FHIT: variants seen among roughly 807,000 people sequenced by gnomAD.
The protein encoded by FHIT is fragile histidine triad diadenosine triphosphatase.
In FHIT, 19 loss-of-function variants were observed where a neutral mutation model predicts 17.9. That is an observed-to-expected ratio of 1.06 (90% CI 0.74 to 1.56). The LOEUF (loss-of-function observed/expected upper bound fraction) is 1.56. FHIT is among the 40% of genes most tolerant of loss of function. The pLI is 0.00. For missense variants in FHIT, 248 were observed against 189.2 expected (o/e 1.31, Z -1.82); for synonymous variants, 81 against 69.7 (o/e 1.16, Z -0.81).
chr3:59,914,453 T>A (rs1705035211), intron 8 of FHIT, among the ~76,000 whole-genome samples: 3 of 152,206 alleles, frequency 2.0e-5, no homozygotes, highest in African/African-American at 7.2e-5. Flanking sequence ...CCTGCTGGCA[T>A]GTGGCACATG....
At chr3:60,487,047 A>G (rs765163825) in intron 5 of FHIT, among the ~76,000 whole-genome samples, 2 of 152,186 alleles carry the variant, frequency 1.3e-5, no homozygotes, top group Non-Finnish European at 2.9e-5. Flanking sequence ...AATATTTGTT[A>G]AGGAATTTCT....
intron 8 of FHIT, among the ~76,000 whole-genome samples, chr3:59,843,119 C>T (rs534973671): frequency 2.0e-5 from 3 of 152,072 alleles, no homozygotes; most frequent in Admixed American, 6.6e-5. Flanking sequence ...TAATTGTATT[C>T]TTTTGCACTT....
intron 5 of FHIT, among the ~76,000 whole-genome samples, chr3:60,124,083 C>T (rs1193036474): frequency 8.6e-5 from 9 of 104,720 alleles, no homozygotes; most frequent in African/African-American, 2.9e-4. Context: ...TACAAAGTCT[C>T]ACTCTGTTGC....
intron 5 of FHIT, among the ~76,000 whole-genome samples, chr3:60,134,610 A>G (rs137946604): frequency 6.6e-6 from 1 of 152,316 alleles, no homozygotes; most frequent in Non-Finnish European, 1.5e-5. Flanking sequence ...CTCAACCTAG[A>G]TTCACAAATC....
chr3:60,328,818 A>C (rs1309582184), intron 5 of FHIT, among the ~76,000 whole-genome samples: 1 of 152,216 alleles, frequency 6.6e-6, no homozygotes, highest in Non-Finnish European at 1.5e-5. Context: ...CAGTTTTCCC[A>C]CCCAGGTCAC....
At chr3:60,842,646 T>TATATATATATATATA (rs1491100730) in intron 3 of FHIT, among the ~76,000 whole-genome samples, 18 of 80,266 alleles carry the variant, frequency 2.2e-4, no homozygotes, top group African/African-American at 8.1e-4. Flanking sequence ...TATATATATA[T>TATATATATATATATA]TTTTTTTTTT....
At chr3:60,493,892 C>G (rs1391479669) in intron 5 of FHIT, among the ~76,000 whole-genome samples, 1 of 152,046 alleles carries the variant, frequency 6.6e-6, no homozygotes, top group South Asian at 2.1e-4. Flanking sequence ...TCACCAGAAG[C>G]TAAATATGAA....
chr3:61,105,545 A>G (rs2035965395), intron 2 of FHIT, among the ~76,000 whole-genome samples: 1 of 152,038 alleles, frequency 6.6e-6, no homozygotes, highest in African/African-American at 2.4e-5. Flanking sequence ...AAAGTGAGTG[A>G]CTTTTTTAAA....
chr3:60,472,172 G>T (rs911152804), intron 5 of FHIT, among the ~76,000 whole-genome samples: 1 of 150,302 alleles, frequency 6.7e-6, no homozygotes, highest in African/African-American at 2.5e-5. Flanking sequence ...AAAAAAAAGA[G>T]CAAAAACAAC....
At chr3:60,170,048 G>T (rs1701349427) in intron 5 of FHIT, among the ~76,000 whole-genome samples, 1 of 152,160 alleles carries the variant, frequency 6.6e-6, no homozygotes, top group South Asian at 2.1e-4. Context: ...CCTACTCACA[G>T]TTCACATGAT....
At chr3:60,931,116 A>T (rs541072205) in intron 3 of FHIT, among the ~76,000 whole-genome samples, 1 of 152,070 alleles carries the variant, frequency 6.6e-6, no homozygotes, top group Non-Finnish European at 1.5e-5. Flanking sequence ...TCGCAAGGAG[A>T]AAAAACCAAA....
At chr3:60,769,784 T>G (rs2108071743) in intron 4 of FHIT, among the ~76,000 whole-genome samples, 1 of 152,346 alleles carries the variant, frequency 6.6e-6, no homozygotes, top group East Asian at 1.9e-4. Flanking sequence ...TACAGGTGCA[T>G]ACTATTAACT....
intron 4 of FHIT, among the ~76,000 whole-genome samples, chr3:60,594,781 C>T (rs1349965545): frequency 1.3e-5 from 2 of 152,096 alleles, no homozygotes; most frequent in South Asian, 2.1e-4. Flanking sequence ...ATCTGGTTCT[C>T]CCTGGGGGCC....
chr3:60,351,381 G>C (rs1267157539), intron 5 of FHIT, among the ~76,000 whole-genome samples: 1 of 152,150 alleles, frequency 6.6e-6, no homozygotes, highest in Non-Finnish European at 1.5e-5. Context: ...TTCTACAGTT[G>C]ATGGGCATAG....
intron 4 of FHIT, among the ~76,000 whole-genome samples, chr3:60,722,463 AC>A (rs2107966449): frequency 6.6e-6 from 1 of 152,306 alleles, no homozygotes; most frequent in East Asian, 1.9e-4. Flanking sequence ...CTTAAGCTGC[AC>A]TATAAATATT....
At chr3:60,566,810 C>A (rs2037152680) in intron 4 of FHIT, among the ~76,000 whole-genome samples, 1 of 150,412 alleles carries the variant, frequency 6.6e-6, no homozygotes, top group African/African-American at 2.5e-5. Flanking sequence ...TCTTATACAC[C>A]AACAACAGAC....
At position 60,679,074 on chromosome 3, in the gene FHIT, A is replaced by G. The variant is rs1168488196; in HGVS notation, c.-17-142095T>C. 2.6e-5 allele frequency among the ~76,000 whole-genome samples: 4 copies of G among 152,082 alleles called. No individual in the cohort carries two copies. The South Asian group carries it at 6.2e-4, about 24-fold the overall frequency. On this transcript the variant is annotated intron_variant, in intron 4 of 9. Transcript: ENST00000492590. ...ATAATAATAGGTACTTACTTGGGCT[A>G]GGGACTGTGCTAGGCTTCTTTTCAT...
rs1024821185 is a variant in FHIT, at chr3:59,760,880, G to A, written c.349-8559C>T. ...GTCTCACTCTGTCTGGAGTGTAGTG[G>A]CCAGCTCACTGCAGCCTCAACCTCC... On this transcript the variant is annotated intron_variant, in intron 8 of 9. Transcript: ENST00000492590. Among the ~76,000 whole-genome samples, 11 of 151,898 alleles carry A rather than the reference G, an allele frequency of 7.2e-5. No individual in the cohort carries two copies. In the East Asian group the frequency reaches 2.1e-3, roughly 29 times the overall value.
At chr3:59,874,694 A>G (rs1437548579) in intron 8 of FHIT, among the ~76,000 whole-genome samples, 1 of 146,114 alleles carries the variant, frequency 6.8e-6, no homozygotes, top group Non-Finnish European at 1.5e-5. Context: ...TTTTTTTGCC[A>G]GTTAGTCAGA....
Sources: gnomAD v4.1 joint callset for allele counts (sites outside exome capture counted in the v4.1 genomes callset) on GRCh38, gnomAD v4.1.1 for gene constraint, MANE v1.5 for transcripts, NCBI Gene and HGNC (gene_info 2026-07-23, HGNC 2026-07-21) for gene names.